G6PD: variants seen among roughly 807,000 people sequenced by gnomAD.
The protein encoded by G6PD is glucose-6-phosphate dehydrogenase.
In G6PD, 2 loss-of-function variants were observed where a neutral mutation model predicts 38.2. That is an observed-to-expected ratio of 0.05 (90% CI 0.02 to 0.16). The LOEUF is 0.16. Among genes scored for constraint, G6PD ranks in the 10% least tolerant of loss-of-function variants. The pLI is 1.00. For missense variants in G6PD, 310 were observed against 471.6 expected (o/e 0.66, Z 3.17); for synonymous variants, 188 against 196.0 (o/e 0.96, Z 0.34).
chrX:154,537,312 C>CAAAAAACA (rs1198016718), intron 2 of G6PD, among the ~76,000 whole-genome samples: 1 of 108,625 alleles, frequency 9.2e-6, no homozygotes, highest in African/African-American at 3.4e-5. Context: ...TCTCAAAAAA[C>CAAAAAACA]AAAAAACAAA....
At chrX:154,533,390 G>A (rs782236330) in intron 8 of G6PD, 186 bp downstream of exon 8, 1 of 532,198 alleles carries the variant, frequency 1.9e-6, no homozygotes, top group Non-Finnish European at 3.0e-6. Context: ...GTCAGGCCTG[G>A]GACATGACAA....
In G6PD at chrX:154,532,111, G is replaced by A. The variant is rs782026133; in HGVS notation, c.1458-21C>T. The A allele has an allele frequency of 1.8e-5, 22 of 1,201,558 alleles. No homozygotes were observed. In the African/African-American group the frequency reaches 3.2e-4, roughly 17 times the overall value. On this transcript the variant is annotated intron_variant, in intron 12 of 12. Transcript: ENST00000393562. Reference sequence around the variant, plus strand: ...CTCGGCTGGAGAGTGACGGGTGGAGGAGAGGCATGAGGTAGCTCCACCCTC... The same window carrying A: ...CTCGGCTGGAGAGTGACGGGTGGAGAAGAGGCATGAGGTAGCTCCACCCTC...
intron 2 of G6PD, among the ~76,000 whole-genome samples, chrX:154,540,422 T>C (rs1198582679): frequency 4.5e-5 from 5 of 109,899 alleles, no homozygotes; most frequent in African/African-American, 1.7e-4. Context: ...TGAGCCAAGA[T>C]TGCGCCACTG....
At chrX:154,534,633 T>C in intron 5 of G6PD, 137 bp from the exon 6 acceptor site, 1 of 728,227 alleles carries the variant, frequency 1.4e-6, no homozygotes, top group South Asian at 2.5e-5. Context: ...TCCCGTGCCT[T>C]GTGTTCCCAG....
At chrX:154,538,482 C>T (rs1472848036) in intron 2 of G6PD, among the ~76,000 whole-genome samples, 4 of 112,163 alleles carry the variant, frequency 3.6e-5, no homozygotes, top group Non-Finnish European at 5.6e-5. Flanking sequence ...GAACTCTCTG[C>T]CTACTGCTAT....
intron 1 of G6PD, 143 bp from the exon 2 acceptor site, chrX:154,546,306 G>A: frequency 2.5e-6 from 2 of 808,542 alleles, no homozygotes; most frequent in Non-Finnish European, 3.6e-6. Flanking sequence ...GCTGGGCATT[G>A]GGGAGTGGTT....
At chrX:154,532,138 C>T (rs782762519) in intron 12 of G6PD, 48 bp from the exon 13 acceptor site, 5 of 1,197,233 alleles carry the variant, frequency 4.2e-6, no homozygotes, top group East Asian at 3.0e-5. Flanking sequence ...TCCACCCTCA[C>T]CCCGCCCCTG....
chrX:154,542,364 C>T, intron 2 of G6PD: 1 of 1,207,046 alleles, frequency 8.3e-7, no homozygotes, highest in South Asian at 1.8e-5. Flanking sequence ...GTGAAGCTCT[C>T]CAGCATCATC....
At chrX:154,533,730 G>A in intron 7 of G6PD, 61 bp from the exon 8 acceptor site, 1 of 1,202,791 alleles carries the variant, frequency 8.3e-7, no homozygotes, top group Non-Finnish European at 1.1e-6. Context: ...TGGTTCAAGG[G>A]CATGGGGACC....
chrX:154,532,735 G>C lies in G6PD; in HGVS notation c.1119C>G (p.Phe373Leu), dbSNP rs782012418. ...NERKAEVRLQ[F>L]HDVAGDIFHQ... is the part of the protein sequence containing the mutation. ...GGAAGATGTCGCCGGCCACATCATGGAACTGCAGCCTCACCTCGGCCTTGC... is the reference window on the plus strand; with the variant it reads ...GGAAGATGTCGCCGGCCACATCATGCAACTGCAGCCTCACCTCGGCCTTGC... Residue 373 changes from phenylalanine (F) to leucine (L), a missense_variant, in exon 10 of 13, where the codon TTC (phenylalanine) becomes TTG (leucine). Phe to Leu is a conservative substitution (Grantham distance 22). Around this residue, in one of 4 missense-constraint regions of G6PD, gnomAD observed 168 missense variants for 309.2 expected, o/e 0.54. Transcript: ENST00000393562. The C allele has an allele frequency of 8.3e-7, 1 of 1,210,792 alleles. No homozygotes were observed. Among genetic ancestry groups the C allele is most frequent in the African/African-American group, 1.7e-5 (1 of 57,587 alleles).
At chrX:154,542,995 G>C (rs1569556358) in intron 2 of G6PD, among the ~76,000 whole-genome samples, 1 of 112,104 alleles carries the variant, frequency 8.9e-6, no homozygotes, top group African/African-American at 3.3e-5. Flanking sequence ...TGCTTTCCTG[G>C]AACAGCAGAT....
chrX:154,546,910 G>A (rs1316464961), upstream of G6PD: 64 of 795,264 alleles, frequency 8.0e-5, no homozygotes, highest in Non-Finnish European at 8.3e-5. Flanking sequence ...GGGCTGAGCG[G>A]ACCCGCCTCA....
chrX:154,536,094 C>T (rs1557230801), intron 3 of G6PD, 47 bp downstream of exon 3: 1 of 1,204,253 alleles, frequency 8.3e-7, no homozygotes, highest in Non-Finnish European at 1.1e-6. Flanking sequence ...CAGGACCAGG[C>T]CTGTCCCTGG....
At chrX:154,547,564 G>A, upstream of G6PD, 1 of 754,951 alleles carries the variant, frequency 1.3e-6, no homozygotes, top group Non-Finnish European at 1.6e-6. Flanking sequence ...CCGGCTTCCC[G>A]AGTTCTCGGG....
chrX:154,547,190 T>G (rs1322267010), upstream of G6PD: 36 of 331,536 alleles, frequency 1.1e-4, no homozygotes, highest in Non-Finnish European at 1.3e-4. Flanking sequence ...CCCGGCGGCC[T>G]CGCGCGCTCG....
At chrX:154,540,306 T>C (rs1324134912) in intron 2 of G6PD, among the ~76,000 whole-genome samples, 1 of 109,471 alleles carries the variant, frequency 9.1e-6, no homozygotes, top group African/African-American at 3.3e-5. Flanking sequence ...CCGTTTCTAC[T>C]AAAATACAAA....
chrX:154,541,005 G>A (rs1310878238), intron 2 of G6PD, among the ~76,000 whole-genome samples: 1 of 111,779 alleles, frequency 8.9e-6, no homozygotes, highest in African/African-American at 3.3e-5. Context: ...GCCATCAGTG[G>A]GGCTGGGGAG....
chrX:154,543,797 G>A (rs370503677), intron 2 of G6PD, among the ~76,000 whole-genome samples: 9 of 109,926 alleles, frequency 8.2e-5, no homozygotes, highest in Admixed American at 1.9e-4. Context: ...GGGTTCAAGC[G>A]ATTTTCCTGC....
intron 2 of G6PD, among the ~76,000 whole-genome samples, chrX:154,540,887 G>A (rs782027112): frequency 2.7e-5 from 3 of 111,184 alleles, no homozygotes; most frequent in Non-Finnish European, 5.7e-5. Flanking sequence ...TGAGCTCGGT[G>A]CCAGGACTAC....
Sources: gnomAD v4.1 joint callset for allele counts (sites outside exome capture counted in the v4.1 genomes callset) on GRCh38, gnomAD v4.1.1 for gene constraint, gnomAD v4.1.1 regional missense constraint, MANE v1.5 for transcripts, NCBI Gene and HGNC (gene_info 2026-07-23, HGNC 2026-07-21) for gene names.